The following GPATCH2 variants were observed in gnomAD, a reference collection of about 807,000 sequenced individuals.
GPATCH2 encodes the protein G patch domain-containing protein 2.
Under a neutral mutation model 58.0 loss-of-function variants are expected in GPATCH2, and 51 were observed. The observed-to-expected ratio is 0.88, with a 90% CI of 0.70 to 1.11. The LOEUF (loss-of-function observed/expected upper bound fraction) is 1.11. Ranked by LOEUF, GPATCH2 falls within the 50% of genes most tolerant of loss-of-function variation. The pLI is 0.00. For synonymous variants in GPATCH2, 222 were observed against 218.5 expected (o/e 1.02, Z -0.14); for missense variants, 625 against 652.2 (o/e 0.96, Z 0.45).
Position 217,449,256 on chromosome 1 carries a change from A to G in GPATCH2, c.1359T>C (p.Thr453=). Residue 453 remains threonine, a synonymous_variant, in exon 9 of 10, where the codon ACT becomes ACC. Transcript: ENST00000366935. ...ACCCTGCTTTTGTTTTACCTGCAGT[A>G]GTAGGTCCAGGCAAAGGTGCAGCTT... ...RRKAAPLPGP[T]TAGFVGENAQ... The G allele has an allele frequency of 6.4e-7, 1 of 1,572,878 alleles. No homozygotes were observed. Among genetic ancestry groups the G allele is most frequent in the Non-Finnish European group, 8.8e-7 (1 of 1,142,484 alleles).
rs1193909947 is a variant in GPATCH2, at chr1:217,628,783, G to T, written c.56+2133C>A. On this transcript the variant is annotated intron_variant, in intron 1 of 9. Coordinates refer to ENST00000366935, the MANE Select transcript of GPATCH2 (RefSeq NM_018040.5). ...AAACAGCAACGTCCACACTGGAGAA[G>T]TTGAAAAAGTCAAGATGGGAGCTAA... 2.6e-5 allele frequency among the ~76,000 whole-genome samples: 4 copies of T among 151,724 alleles called. No individual in the cohort carries two copies. In the East Asian group the frequency reaches 7.7e-4, roughly 29 times the overall value.
intron 6 of GPATCH2, among the ~76,000 whole-genome samples, chr1:217,500,782 T>C (rs1487805363): frequency 6.6e-6 from 1 of 152,056 alleles, no homozygotes; most frequent in African/African-American, 2.4e-5. Flanking sequence ...GCCTAATAAT[T>C]AAATGTCAGA....
At chr1:217,542,668 T>G (rs778772640) in intron 5 of GPATCH2, among the ~76,000 whole-genome samples, 1 of 152,196 alleles carries the variant, frequency 6.6e-6, no homozygotes, top group Non-Finnish European at 1.5e-5. Context: ...TCTAAGCCAA[T>G]AAACATCTAT....
intron 9 of GPATCH2, among the ~76,000 whole-genome samples, chr1:217,445,154 C>T (rs1008535524): frequency 6.6e-6 from 1 of 152,018 alleles, no homozygotes; most frequent in Non-Finnish European, 1.5e-5. Flanking sequence ...CTTCAAAAGG[C>T]ATTTCACTTC....
At chr1:217,508,416 A>G (rs1662666002) in intron 6 of GPATCH2, among the ~76,000 whole-genome samples, 1 of 152,184 alleles carries the variant, frequency 6.6e-6, no homozygotes, top group East Asian at 1.9e-4. Context: ...TGCATTTAAA[A>G]TAAGTTTGAT....
chr1:217,460,832 C>G (rs1033476237), intron 8 of GPATCH2, among the ~76,000 whole-genome samples: 1 of 152,198 alleles, frequency 6.6e-6, no homozygotes, highest in African/African-American at 2.4e-5. Flanking sequence ...GGAAGTTGCT[C>G]TCAGGCAGAG....
At chr1:217,529,671 A>G (rs1215139437) in intron 5 of GPATCH2, among the ~76,000 whole-genome samples, 2 of 152,194 alleles carry the variant, frequency 1.3e-5, no homozygotes, top group South Asian at 2.1e-4. Context: ...TAGCAACACA[A>G]AACAGACTAA....
intron 5 of GPATCH2, among the ~76,000 whole-genome samples, chr1:217,583,746 T>C (rs77110045): frequency 0.048 from 7,274 of 152,012 alleles, 195 homozygotes; most frequent in Middle Eastern, 0.066. Context: ...GTGGGGAAAC[T>C]ACAAAATATA....
chr1:217,599,404 T>C (rs1208899786), intron 5 of GPATCH2, among the ~76,000 whole-genome samples: 1 of 151,980 alleles, frequency 6.6e-6, no homozygotes, highest in African/African-American at 2.4e-5. Context: ...TAGTGACAGA[T>C]GAAATTGAAA....
chr1:217,482,739 A>G (rs779022149), intron 8 of GPATCH2, among the ~76,000 whole-genome samples: 1 of 152,238 alleles, frequency 6.6e-6, no homozygotes, highest in African/African-American at 2.4e-5. Flanking sequence ...CAGTTTCCCT[A>G]TCATCCTGGT....
At chr1:217,570,664 C>T (rs893634996) in intron 5 of GPATCH2, among the ~76,000 whole-genome samples, 2 of 152,062 alleles carry the variant, frequency 1.3e-5, no homozygotes, top group East Asian at 1.9e-4. Context: ...AAAGCGATGG[C>T]GAGTGAAGGT....
chr1:217,533,595 A>T (rs923494046), intron 5 of GPATCH2, among the ~76,000 whole-genome samples: 2 of 152,170 alleles, frequency 1.3e-5, no homozygotes, highest in Admixed American at 6.5e-5. Context: ...ATTGTCTCTT[A>T]ATCAACTTTG....
At chr1:217,583,427 G>A (rs376817194) in intron 5 of GPATCH2, among the ~76,000 whole-genome samples, 40 of 151,714 alleles carry the variant, frequency 2.6e-4, no homozygotes, top group Non-Finnish European at 5.0e-4. Context: ...AAAATTAGCC[G>A]GGTGGTGGTG....
chr1:217,464,778 G>T (rs1446102986), intron 8 of GPATCH2, among the ~76,000 whole-genome samples: 1 of 152,170 alleles, frequency 6.6e-6, no homozygotes, highest in Non-Finnish European at 1.5e-5. Flanking sequence ...ATAAAGCCAT[G>T]AAATTAGAAA....
intron 5 of GPATCH2, among the ~76,000 whole-genome samples, chr1:217,580,726 G>GC (rs1667034454): frequency 6.6e-6 from 1 of 152,034 alleles, no homozygotes; most frequent in Non-Finnish European, 1.5e-5. Context: ...TCTTCTGGGA[G>GC]CCCATTAGAA....
At chr1:217,504,213 TA>T (rs1483962753) in intron 6 of GPATCH2, among the ~76,000 whole-genome samples, 1 of 152,120 alleles carries the variant, frequency 6.6e-6, no homozygotes, top group Non-Finnish European at 1.5e-5. Flanking sequence ...AAAAAAGGAA[TA>T]ATCTGAAAGG....
chr1:217,567,911 T>C (rs1035029203), intron 5 of GPATCH2, among the ~76,000 whole-genome samples: 22 of 152,062 alleles, frequency 1.4e-4, no homozygotes, highest in Non-Finnish European at 1.9e-4. Context: ...GGTCAGGAGA[T>C]CGAGACTATC....
At chr1:217,576,530 T>C (rs1255515264) in intron 5 of GPATCH2, among the ~76,000 whole-genome samples, 2 of 152,218 alleles carry the variant, frequency 1.3e-5, no homozygotes, top group African/African-American at 4.8e-5. Context: ...GTAGCCAGCC[T>C]CAGCCACATA....
intron 8 of GPATCH2, among the ~76,000 whole-genome samples, chr1:217,454,789 A>C (rs534939595): frequency 6.6e-6 from 1 of 150,728 alleles, no homozygotes; most frequent in African/African-American, 2.4e-5. Flanking sequence ...GCACACCACT[A>C]TGCCCTCTAA....
Sources: allele counts gnomAD v4.1 joint callset (sites outside exome capture counted in the v4.1 genomes callset), GRCh38; gene constraint gnomAD v4.1.1; transcripts MANE v1.5; gene names NCBI Gene and HGNC (gene_info 2026-07-23, HGNC 2026-07-21).